RPS6KC1: variants seen among roughly 807,000 people sequenced by gnomAD.
RPS6KC1 encodes the protein inactive ribosomal protein S6 kinase delta-1.
In RPS6KC1, 54 loss-of-function variants were observed where a neutral mutation model predicts 103.8. That is an observed-to-expected ratio of 0.52 (90% CI 0.42 to 0.65). The LOEUF (loss-of-function observed/expected upper bound fraction) is 0.65, where lower values mean the gene tolerates loss of function less well. RPS6KC1 is among the 30% of genes least tolerant of loss of function. RPS6KC1 has a pLI of 0.00. For synonymous variants in RPS6KC1, 439 were observed against 438.7 expected, an observed-to-expected ratio of 1.00 and a Z score of -0.01; for missense variants, 1,151 against 1,253.8, an observed-to-expected ratio of 0.92 and a Z score of 1.24.
chr1:213,743,928 C>T, the RPS6KC1 span, among the ~76,000 whole-genome samples: 4 of 152,096 alleles, frequency 2.6e-5, no homozygotes, highest in African/African-American at 9.7e-5. Context: ...TATGTATACA[C>T]CATGGAATAC....
chr1:213,773,711 A>G, the RPS6KC1 span, among the ~76,000 whole-genome samples: 5 of 151,902 alleles, frequency 3.3e-5, no homozygotes, highest in African/African-American at 1.2e-4. Flanking sequence ...CCTGAGGTGG[A>G]ATTTCTTCTT....
At chr1:213,614,576 T>G in the RPS6KC1 span, among the ~76,000 whole-genome samples, 1 of 152,246 alleles carries the variant, frequency 6.6e-6, no homozygotes, top group Admixed American at 6.5e-5. Context: ...CTGCCTCATC[T>G]CAGCATTATT....
At chr1:213,850,269 A>G in the RPS6KC1 span, among the ~76,000 whole-genome samples, 1 of 152,182 alleles carries the variant, frequency 6.6e-6, no homozygotes, top group Admixed American at 6.5e-5. Context: ...AAGGTAACAC[A>G]TTTCTATTAC....
the RPS6KC1 span, among the ~76,000 whole-genome samples, chr1:213,434,697 C>T: frequency 6.6e-6 from 1 of 152,228 alleles, no homozygotes; most frequent in East Asian, 1.9e-4. Flanking sequence ...CTCAAGTGAT[C>T]CACCTGCCTC....
chr1:213,642,109 T>G, the RPS6KC1 span, among the ~76,000 whole-genome samples: 1 of 152,134 alleles, frequency 6.6e-6, no homozygotes, highest in African/African-American at 2.4e-5. Context: ...GGGTTTCTCC[T>G]GAAGCTCTTC....
At chr1:213,254,786 G>T (rs1472385697) in intron 12 of RPS6KC1, among the ~76,000 whole-genome samples, 2 of 152,136 alleles carry the variant, frequency 1.3e-5, no homozygotes, top group East Asian at 3.9e-4. Context: ...ATTGTTTTCT[G>T]AGGTAATAGT....
chr1:213,307,644 G>T, the RPS6KC1 span, among the ~76,000 whole-genome samples: 1 of 152,192 alleles, frequency 6.6e-6, no homozygotes. Flanking sequence ...ACAGGAGCAG[G>T]AGAACTGCCA....
At chr1:213,485,698 T>G in the RPS6KC1 span, among the ~76,000 whole-genome samples, 1 of 152,240 alleles carries the variant, frequency 6.6e-6, no homozygotes, top group East Asian at 1.9e-4. Context: ...GCAGGATAAG[T>G]GCTATCCTGT....
chr1:213,191,965 T>C (rs891554504), intron 8 of RPS6KC1, among the ~76,000 whole-genome samples: 1 of 152,058 alleles, frequency 6.6e-6, no homozygotes, highest in Admixed American at 6.6e-5. Flanking sequence ...CGTGTCACCA[T>C]GCCCAGCTTA....
chr1:213,549,612 CTTTTTT>C, the RPS6KC1 span, among the ~76,000 whole-genome samples: 667 of 86,910 alleles, frequency 7.7e-3, 2 homozygotes, highest in African/African-American at 0.026. Context: ...TTTTCTTTTC[CTTTTTT>C]TTTTTTTTTT....
chr1:213,491,985 C>T, the RPS6KC1 span, among the ~76,000 whole-genome samples: 1 of 152,172 alleles, frequency 6.6e-6, no homozygotes, highest in African/African-American at 2.4e-5. Flanking sequence ...CAGCCTGCCA[C>T]CGCTGAACTG....
chr1:213,113,517 C>G (rs1169035859), intron 4 of RPS6KC1, among the ~76,000 whole-genome samples: 1 of 150,226 alleles, frequency 6.7e-6, no homozygotes, highest in Admixed American at 6.6e-5. Flanking sequence ...GTTGCCTGTT[C>G]ACTCTGATGG....
At chr1:213,229,691 G>A (rs181408648) in intron 8 of RPS6KC1, among the ~76,000 whole-genome samples, 5 of 152,190 alleles carry the variant, frequency 3.3e-5, no homozygotes. Flanking sequence ...GATGAGGGGT[G>A]GGAATGAGTA....
At chr1:213,262,638 T>G in intron 13 of RPS6KC1, 83 bp from the exon 14 acceptor site, 1 of 896,268 alleles carries the variant, frequency 1.1e-6, no homozygotes, top group Non-Finnish European at 1.9e-6. Flanking sequence ...TTGAGCTCTC[T>G]GTACTTGCTG....
At chr1:213,197,139 T>C (rs1383334665) in intron 8 of RPS6KC1, among the ~76,000 whole-genome samples, 1 of 152,190 alleles carries the variant, frequency 6.6e-6, no homozygotes, top group Non-Finnish European at 1.5e-5. Context: ...GCCCGGCCTC[T>C]ACATGCCTGT....
chr1:213,654,775 C>T, the RPS6KC1 span, among the ~76,000 whole-genome samples: 215 of 152,304 alleles, frequency 1.4e-3, no homozygotes, highest in African/African-American at 4.8e-3. Context: ...TAAATAACAG[C>T]TCTGCTCCAA....
chr1:213,711,286 C>T, the RPS6KC1 span, among the ~76,000 whole-genome samples: 2 of 152,088 alleles, frequency 1.3e-5, no homozygotes, highest in African/African-American at 2.4e-5. Flanking sequence ...ATCCTTTCTT[C>T]CACTTGATCG....
the RPS6KC1 span, among the ~76,000 whole-genome samples, chr1:213,518,860 G>A: frequency 2.0e-5 from 3 of 152,188 alleles, no homozygotes; most frequent in African/African-American, 7.2e-5. Context: ...ATGTGGGGCT[G>A]TAGAATGGGG....
At chr1:213,056,165 A>G (rs1405142943) in intron 1 of RPS6KC1, among the ~76,000 whole-genome samples, 1 of 152,196 alleles carries the variant, frequency 6.6e-6, no homozygotes, top group East Asian at 1.9e-4. Context: ...AATAACAGCA[A>G]ACACTTACAT....
Sources: gnomAD v4.1 joint callset for allele counts (sites outside exome capture counted in the v4.1 genomes callset) on GRCh38, gnomAD v4.1.1 for gene constraint, MANE v1.5 for transcripts, NCBI Gene and HGNC (gene_info 2026-07-23, HGNC 2026-07-21) for gene names.